The following NMB variants were observed in gnomAD, a reference collection of about 807,000 sequenced individuals.
NMB encodes the protein neuromedin B.
In NMB, 12 loss-of-function variants were observed where a neutral mutation model predicts 11.7. The observed-to-expected ratio is 1.03, with a 90% CI of 0.66 to 1.66. The LOEUF (loss-of-function observed/expected upper bound fraction) is 1.66. Ranked by LOEUF, NMB falls within the 40% of genes most tolerant of loss-of-function variation. NMB has a pLI of 0.00. For synonymous variants in NMB, 76 were observed against 72.6 expected (o/e 1.05, Z -0.24); for missense variants, 174 against 157.9 (o/e 1.10, Z -0.55).
intron 2 of NMB, among the ~76,000 whole-genome samples, chr15:84,655,928 G>A (rs767815337): frequency 3.3e-5 from 5 of 152,122 alleles, no homozygotes; most frequent in African/African-American, 4.8e-5. Flanking sequence ...GGCTGGGTTG[G>A]ACCTTTTCTA....
Position 84,655,695 on chromosome 15 carries a change from C to G in NMB, c.331-286G>C, listed in dbSNP as rs187335608. ...GCTAGTGTCAGCGTCCTCACTCCCC[C>G]ACCCCAGCTCTGCCCCAGACCTCAC... On this transcript the variant is annotated intron_variant, in intron 2 of 2. Transcript: ENST00000360476. Among the ~76,000 whole-genome samples, 599 of 152,314 alleles carry G rather than the reference C, an allele frequency of 3.9e-3. 14 individuals carry two copies. The highest frequency in any genetic ancestry group is 0.034 in the Admixed American group (515 of 15,302).
rs1271228008 is a variant in NMB, at chr15:84,656,597, A to G, written c.330+579T>C. ...ATGCACACGTCAGCCCTCACAAGAA[A>G]CAGTGATTCAGCCTAGAACGTCAAA... On this transcript the variant is annotated intron_variant, in intron 2 of 2. Transcript: ENST00000360476. 4.6e-5 allele frequency among the ~76,000 whole-genome samples: 7 copies of G among 150,854 alleles called. No homozygotes were observed. The Admixed American group carries it at 4.7e-4, about 10-fold the overall frequency.
At chr15:84,657,934 A>G in intron 1 of NMB, 62 bp downstream of exon 1, 2 of 1,521,954 alleles carry the variant, frequency 1.3e-6, no homozygotes, top group Non-Finnish European at 1.8e-6. Context: ...CAGAGGGTTG[A>G]GAAGGAAATG....
Position 84,658,113 on chromosome 15 carries a change from G to A in NMB, c.40C>T (p.Leu14Phe). 6.4e-7 allele frequency: 1 copy of A among 1,554,248 alleles called. No individual in the cohort carries two copies. Among genetic ancestry groups the A allele is most frequent in the Non-Finnish European group, 8.6e-7 (1 of 1,158,518 alleles). Residue 14 changes from leucine (L) to phenylalanine (F), a missense_variant, in exon 1 of 3, where the codon CTC (leucine) becomes TTC (phenylalanine). By Grantham distance (22) the Leu-to-Phe change is conservative. Around this residue, in one of 2 missense-constraint regions of NMB, gnomAD observed 168 missense variants for 138.4 expected, o/e 1.21. Coordinates refer to ENST00000360476, the MANE Select transcript of NMB (RefSeq NM_021077.4). The part of the protein sequence containing the change: ...RAGGARMFGS[L>F]LLFALLAAGV... ...GCAGCGAGCAGGGCGAAGAGCAGGA[G>A]GCTGCCGAACATCCGAGCGCCCCCC... is the stretch of plus-strand genomic sequence containing the variant.
At chr15:84,655,459 A>G in intron 2 of NMB, 50 bp from the exon 3 acceptor site, 1 of 1,609,736 alleles carries the variant, frequency 6.2e-7, no homozygotes, top group Non-Finnish European at 8.5e-7. Context: ...CTCCTGATAA[A>G]GATAGGGGCA....
At chr15:84,656,666 T>C (rs955419986) in intron 2 of NMB, among the ~76,000 whole-genome samples, 3 of 151,850 alleles carry the variant, frequency 2.0e-5, no homozygotes, top group South Asian at 2.1e-4. Context: ...CTGAGGCAGA[T>C]GAGAGAATGG....
In NMB at chr15:84,656,220, G is replaced by A. The variant is rs535919488; in HGVS notation, c.331-811C>T. Among the ~76,000 whole-genome samples the A allele has an allele frequency of 7.2e-5, 11 of 152,226 alleles. No individual in the cohort carries two copies. In the South Asian group the frequency reaches 2.3e-3, roughly 32 times the overall value. On this transcript the variant is annotated intron_variant, in intron 2 of 2. Coordinates refer to ENST00000360476, the MANE Select transcript of NMB (RefSeq NM_021077.4). Reference sequence around the variant, plus strand: ...GGTCATACAGCTACTAAGTAGCTAGGTTATGAGCCCAGCACGTTGTAGTCA... The same window carrying A: ...GGTCATACAGCTACTAAGTAGCTAGATTATGAGCCCAGCACGTTGTAGTCA...
chr15:84,657,260 C>T lies in NMB; in HGVS notation c.246G>A (p.Leu82=). 6.2e-7 allele frequency: 1 copy of T among 1,609,340 alleles called. No individual in the cohort carries two copies. Among genetic ancestry groups the T allele is most frequent in the African/African-American group, 1.3e-5 (1 of 74,888 alleles). Residue 82 remains leucine (L), a synonymous_variant, in exon 2 of 3, where the codon CTG becomes CTA. Transcript: ENST00000360476. ...APHTSLRDQR[L]QLSHDLLGIL... ...TTCCGAGCAGATCATGACTCAGCTG[C>T]AGTCGCTGGTCCCTCAGGGAGGTGT...
chr15:84,657,696 G>A (rs1199904422), intron 1 of NMB, among the ~76,000 whole-genome samples: 2 of 152,166 alleles, frequency 1.3e-5, no homozygotes, highest in African/African-American at 4.8e-5. Flanking sequence ...AAGTGGAGGT[G>A]CAGCAAAAAC....
rs962734249 is a variant in NMB, at chr15:84,657,468, C to T, written c.158-120G>A. On this transcript the variant is annotated intron_variant, in intron 1 of 2. Coordinates refer to ENST00000360476, the MANE Select transcript of NMB (RefSeq NM_021077.4). ...AGCGGGAAGACACTTAACCTTCCTC[C>T]TCTTGGTGCTTCCACCTCACCAAGG... The T allele has an allele frequency of 1.1e-5, 10 of 945,464 alleles. No homozygotes were observed. In the Admixed American group the frequency reaches 3.0e-4, roughly 28 times the overall value. The allele number at this position is 945,464 out of a possible 1,614,324, so 58.6% of individuals were successfully genotyped here. A position where few individuals can be genotyped will look rare whatever the true frequency, so the allele number is the denominator to read the frequency against.
Position 84,658,183 on chromosome 15 carries a change from C to A in NMB, c.-31G>T. 7.0e-7 allele frequency: 1 copy of A among 1,425,688 alleles called. No homozygotes were observed. Among genetic ancestry groups the A allele is most frequent in the South Asian group, 1.5e-5 (1 of 68,176 alleles). 88.3% of individuals were successfully genotyped at this position (1,425,688 alleles called of 1,614,324 possible). The stretch of plus-strand genomic sequence containing the variant: ...TGCCCGGGCCGCGGCTTCGTTCGGG[C>A]GCGCTTCCCGGCCGCTGGGCTCCGG... On this transcript the variant is annotated 5_prime_UTR_variant, in exon 1 of 3. Coordinates refer to ENST00000360476, the MANE Select transcript of NMB (RefSeq NM_021077.4).
intron 2 of NMB, among the ~76,000 whole-genome samples, chr15:84,656,863 T>A (rs1238965371): frequency 6.6e-6 from 1 of 151,854 alleles, no homozygotes; most frequent in Non-Finnish European, 1.5e-5. Flanking sequence ...GGGAGAAAGG[T>A]CCTGCTCCAA....
At chr15:84,657,523 G>T (rs2292462) in intron 1 of NMB, among the ~76,000 whole-genome samples, 175 bp from the exon 2 acceptor site, 93,951 of 152,074 alleles carry the variant, frequency 0.62, 29,634 homozygotes, top group East Asian at 0.81. Flanking sequence ...TGGTGGCAAA[G>T]CCTGCTCCCT....
At chr15:84,657,085 A>C in intron 2 of NMB, 91 bp downstream of exon 2, 1 of 1,200,508 alleles carries the variant, frequency 8.3e-7, no homozygotes, top group Non-Finnish European at 1.2e-6. Flanking sequence ...GTCACACCCT[A>C]ATACAGTACT....
intron 1 of NMB, 106 bp from the exon 2 acceptor site, chr15:84,657,454 A>T: frequency 9.1e-7 from 1 of 1,100,346 alleles, no homozygotes; most frequent in Non-Finnish European, 1.2e-6. Flanking sequence ...GCGGGAAGAC[A>T]CTTAACCTTC....
chr15:84,657,824 T>G (rs912812166), intron 1 of NMB, among the ~76,000 whole-genome samples, 172 bp downstream of exon 1: 8 of 152,178 alleles, frequency 5.3e-5, no homozygotes, highest in African/African-American at 1.9e-4. Context: ...CTTAGCCAAG[T>G]CACTGACCTG....
At chr15:84,655,537 C>T in intron 2 of NMB, 128 bp from the exon 3 acceptor site, 1 of 1,181,482 alleles carries the variant, frequency 8.5e-7, no homozygotes, top group South Asian at 1.3e-5. Flanking sequence ...TGAGGCAGGC[C>T]CCAGAGCACC....
intron 1 of NMB, among the ~76,000 whole-genome samples, 182 bp from the exon 2 acceptor site, chr15:84,657,530 C>T (rs1896800287): frequency 6.6e-6 from 1 of 152,236 alleles, no homozygotes; most frequent in Non-Finnish European, 1.5e-5. Flanking sequence ...AAAGCCTGCT[C>T]CCTCAGCTTT....
At position 84,655,243 on chromosome 15, in the gene NMB, C is replaced by T. The variant is rs769575209; in HGVS notation, c.*131G>A. ...TTTCTGGTGACCCAGCCAGAAATCA[C>T]AGTAATGGAGTAACAGAGATTTGAG... On this transcript the variant is annotated 3_prime_UTR_variant, in exon 3 of 3. Coordinates refer to ENST00000360476, the MANE Select transcript of NMB (RefSeq NM_021077.4). 4 of 1,562,386 alleles carry T rather than the reference C, an allele frequency of 2.6e-6. No individual in the cohort carries two copies. Among genetic ancestry groups the T allele is most frequent in the Admixed American group, 3.8e-5 (2 of 52,912 alleles).
Sources: gnomAD v4.1 joint callset for allele counts (sites outside exome capture counted in the v4.1 genomes callset) on GRCh38, gnomAD v4.1.1 for gene constraint, gnomAD v4.1.1 regional missense constraint, MANE v1.5 for transcripts, NCBI Gene and HGNC (gene_info 2026-07-23, HGNC 2026-07-21) for gene names.